ADGRA3: variants seen among roughly 807,000 people sequenced by gnomAD.
The protein encoded by ADGRA3 is G-protein coupled receptor 125.
ADGRA3 carries 56 observed loss-of-function variants against 119.8 expected under a neutral mutation model. The ratio of observed to expected loss-of-function variants is 0.47; its 90% CI spans 0.38 to 0.58. The LOEUF (loss-of-function observed/expected upper bound fraction) is 0.58. Among genes scored for constraint, ADGRA3 ranks in the 20% least tolerant of loss-of-function variants. ADGRA3 has a pLI of 0.00. For synonymous variants in ADGRA3, 607 were observed against 623.8 expected, an observed-to-expected ratio of 0.97 and a Z score of 0.40; for missense variants, 1,516 against 1,649.0, an observed-to-expected ratio of 0.92 and a Z score of 1.40.
intron 3 of ADGRA3, among the ~76,000 whole-genome samples, chr4:22,461,214 T>C (rs569369618): frequency 6.6e-5 from 10 of 152,354 alleles, no homozygotes; most frequent in East Asian, 1.9e-4. Flanking sequence ...ATGATTTTAG[T>C]AGCATAAGAG....
At chr4:22,404,314 T>C (rs891417280) in intron 14 of ADGRA3, among the ~76,000 whole-genome samples, 6 of 150,012 alleles carry the variant, frequency 4.0e-5, no homozygotes, top group Non-Finnish European at 5.9e-5. Flanking sequence ...CTCAATAGAG[T>C]AGGAAGGGAA....
chr4:22,390,429 G>T (rs538418487), intron 17 of ADGRA3, among the ~76,000 whole-genome samples: 1 of 9,178 alleles, frequency 1.1e-4, no homozygotes, highest in Non-Finnish European at 2.1e-4. Flanking sequence ...TATATAATAC[G>T]TATTATATAT....
chr4:22,442,303 A>C (rs1169822071), intron 7 of ADGRA3, among the ~76,000 whole-genome samples: 1 of 152,186 alleles, frequency 6.6e-6, no homozygotes, highest in African/African-American at 2.4e-5. Flanking sequence ...GACTAGAGTC[A>C]ATATCAGGTG....
At chr4:22,399,150 G>A (rs1295609355) in intron 16 of ADGRA3, among the ~76,000 whole-genome samples, 1 of 152,128 alleles carries the variant, frequency 6.6e-6, no homozygotes, top group Non-Finnish European at 1.5e-5. Context: ...TGCTGAACCC[G>A]TGTGTTCGCT....
chr4:22,406,271 T>C (rs1004458032), intron 14 of ADGRA3, among the ~76,000 whole-genome samples: 2 of 152,234 alleles, frequency 1.3e-5, no homozygotes, highest in African/African-American at 4.8e-5. Flanking sequence ...TCGTGAATAG[T>C]GCTGCAGTAA....
rs532994803 is a variant in ADGRA3 at position 22,481,274 on chromosome 4, T to A, written c.258-7431A>T. On this transcript the variant is annotated intron_variant, in intron 1 of 18. Transcript: ENST00000334304. ...CCTAAAGTTTTAGAGCCACCTGTGA[T>A]AAGCAAAAATCAGGAATGTTAACTC... 7.9e-5 allele frequency among the ~76,000 whole-genome samples: 12 copies of A among 152,256 alleles called. 1 individual carries two copies. In the East Asian group the frequency reaches 2.3e-3, roughly 29 times the overall value.
Position 22,435,464 on chromosome 4 carries a change from C to T in ADGRA3, c.1290G>A (p.Met430Ile), listed in dbSNP as rs1196119946. Residue 430 changes from methionine to isoleucine, a missense_variant and splice_region_variant, in exon 10 of 19, where the codon ATG becomes ATA. Physicochemically the swap from Met to Ile is conservative, Grantham distance 10. Around this residue, in one of 2 missense-constraint regions of ADGRA3, gnomAD observed 1,088 missense variants for 1,107.1 expected, o/e 0.98. Transcript: ENST00000334304. ...VTRVLYMFNQ[M>I]PLNLTNAVAT... is the part of the protein sequence containing the mutation. The stretch of plus-strand genomic sequence containing the variant: ...CCACGGCATTGGTAAGATTGAGGGG[C>T]ATCTACATTTCAAAGGCAAAAATGA... The T allele has an allele frequency of 5.1e-6, 8 of 1,581,012 alleles. No homozygotes were observed. Among genetic ancestry groups the T allele is most frequent in the Non-Finnish European group, 6.1e-6 (7 of 1,155,212 alleles).
At position 22,515,797 on chromosome 4, in the gene ADGRA3, G is replaced by C; in HGVS notation, c.-13C>G. ...CGGGTGGCTCCATGCTGCGGGCCGGGGCCTGCGGGGCGAGCGGCGGCGCAC... is the reference window on the plus strand; with the variant it reads ...CGGGTGGCTCCATGCTGCGGGCCGGCGCCTGCGGGGCGAGCGGCGGCGCAC... On this transcript the variant is annotated 5_prime_UTR_variant, in exon 1 of 19. Coordinates refer to ENST00000334304, the MANE Select transcript of ADGRA3 (RefSeq NM_145290.4). The C allele has an allele frequency of 3.0e-6, 3 of 996,806 alleles. No homozygotes were observed. The highest frequency in any genetic ancestry group is 2.4e-6 in the Non-Finnish European group (2 of 840,954). 61.7% of individuals were successfully genotyped at this position (996,806 alleles called of 1,614,324 possible).
chr4:22,399,167 C>T (rs991498625), intron 16 of ADGRA3, among the ~76,000 whole-genome samples: 5 of 152,298 alleles, frequency 3.3e-5, no homozygotes, highest in South Asian at 2.1e-4. Flanking sequence ...CGCTCTTCTA[C>T]GACATGCTCA....
intron 1 of ADGRA3, among the ~76,000 whole-genome samples, chr4:22,499,949 T>C (rs1046826073): frequency 1.3e-5 from 2 of 152,160 alleles, no homozygotes; most frequent in African/African-American, 2.4e-5. Flanking sequence ...TTTCAGAATT[T>C]GGAATATTTG....
Position 22,413,673 on chromosome 4 carries a change from CA to C in ADGRA3, c.1950del (p.Gly651GlufsTer19). 6.2e-7 allele frequency: 1 copy of C among 1,613,998 alleles called. No homozygotes were observed. Among genetic ancestry groups the C allele is most frequent in the Non-Finnish European group, 8.5e-7 (1 of 1,179,950 alleles). On this transcript the variant is annotated frameshift_variant, in exon 13 of 19. Transcript: ENST00000334304. LOFTEE classifies it high-confidence loss of function. Reference sequence around the variant, plus strand: ...TCATCAGCCAAATTTGTTGAATTTCCAGTGGCTGGAAAAAGCTTTCCATTGC... The same window carrying C: ...TCATCAGCCAAATTTGTTGAATTTCCGTGGCTGGAAAAAGCTTTCCATTGC... ...AFRNGKLFPA[T>X]GNSTNLADDG...
intron 6 of ADGRA3, among the ~76,000 whole-genome samples, chr4:22,443,503 C>G (rs897588091): frequency 1.3e-5 from 2 of 151,906 alleles, no homozygotes; most frequent in African/African-American, 4.8e-5. Context: ...AGTACTGTAT[C>G]CTAAAGAATA....
chr4:22,474,082 T>G lies in ADGRA3; in HGVS notation c.258-239A>C, dbSNP rs79116977. Among the ~76,000 whole-genome samples the G allele has an allele frequency of 3.5e-3, 540 of 152,222 alleles. 1 individual carries two copies. Among genetic ancestry groups the G allele is most frequent in the Non-Finnish European group, 5.9e-3 (401 of 68,004 alleles). ...ATTTCTATCACACATAATCAAAACTTTAAGAGAGAAAAGTCAATATGTAAT... is the reference window on the plus strand; with the variant it reads ...ATTTCTATCACACATAATCAAAACTGTAAGAGAGAAAAGTCAATATGTAAT... On this transcript the variant is annotated intron_variant, in intron 1 of 18. Transcript: ENST00000334304.
chr4:22,446,587 T>C (rs571868451), intron 5 of ADGRA3, among the ~76,000 whole-genome samples: 1 of 152,192 alleles, frequency 6.6e-6, no homozygotes, highest in Admixed American at 6.5e-5. Flanking sequence ...GAGGAGCTGG[T>C]TGGGGCTCCT....
chr4:22,419,777 T>G (rs1458542735), intron 12 of ADGRA3, among the ~76,000 whole-genome samples: 1 of 152,122 alleles, frequency 6.6e-6, no homozygotes, highest in African/African-American at 2.4e-5. Flanking sequence ...GTTTTGTTTT[T>G]TTCCCCAATA....
chr4:22,511,149 G>GCAT (rs1479831041), intron 1 of ADGRA3, among the ~76,000 whole-genome samples: 1 of 152,200 alleles, frequency 6.6e-6, no homozygotes, highest in Non-Finnish European at 1.5e-5. Context: ...TCACCAAGTA[G>GCAT]CATCACGAGG....
chr4:22,445,697 T>C (rs949648261), intron 5 of ADGRA3, among the ~76,000 whole-genome samples: 1 of 152,152 alleles, frequency 6.6e-6, no homozygotes, highest in African/African-American at 2.4e-5. Flanking sequence ...CCTCCTGCTA[T>C]GTGCCAAGTG....
intron 1 of ADGRA3, among the ~76,000 whole-genome samples, chr4:22,509,676 C>T (rs529505860): frequency 1.3e-5 from 2 of 152,138 alleles, no homozygotes; most frequent in East Asian, 3.9e-4. Flanking sequence ...ATGGCCCATG[C>T]TCCATGGGAC....
intron 2 of ADGRA3, chr4:22,472,941 TA>T (rs1717907090): frequency 6.6e-6 from 1 of 152,162 alleles, no homozygotes; most frequent in South Asian, 2.1e-4. Context: ...ACAAGTAAAT[TA>T]AATGTCCATT....
Sources: gnomAD v4.1 joint callset for allele counts (sites outside exome capture counted in the v4.1 genomes callset) on GRCh38, gnomAD v4.1.1 for gene constraint, gnomAD v4.1.1 regional missense constraint, MANE v1.5 for transcripts, NCBI Gene and HGNC (gene_info 2026-07-23, HGNC 2026-07-21) for gene names.